Variants in FRMD3 observed in about 807,000 individuals in gnomAD.
FRMD3 encodes FERM domain containing 3, also known as FERM domain-containing protein 3.
A neutral mutation model predicts 70.2 loss-of-function variants in FRMD3; 33 were observed. That is an observed-to-expected ratio of 0.47 (90% CI 0.36 to 0.63). The LOEUF (loss-of-function observed/expected upper bound fraction) is 0.63. Ranked by LOEUF, FRMD3 falls within the 20% of genes least tolerant of loss-of-function variation. The pLI is 0.00. For missense variants in FRMD3, 632 were observed against 711.4 expected (o/e 0.89, Z 1.27); for synonymous variants, 279 against 255.9 (o/e 1.09, Z -0.86).
At chr9:83,407,861 C>CTT (rs1826158478) in intron 1 of FRMD3, among the ~76,000 whole-genome samples, 1 of 129,940 alleles carries the variant, frequency 7.7e-6, no homozygotes, top group Non-Finnish European at 1.5e-5. Context: ...CTCTCTCTCT[C>CTT]TCTCTCTCTC....
At chr9:83,519,437 A>G (rs1162379781) in intron 1 of FRMD3, among the ~76,000 whole-genome samples, 1 of 152,214 alleles carries the variant, frequency 6.6e-6, no homozygotes, top group African/African-American at 2.4e-5. Flanking sequence ...CAAAACCACA[A>G]TGAGATACCA....
the FRMD3 span, among the ~76,000 whole-genome samples, chr9:83,565,105 G>T: frequency 6.6e-6 from 1 of 152,146 alleles, no homozygotes; most frequent in African/African-American, 2.4e-5. Flanking sequence ...CATTTCCTGG[G>T]AATAATAATG....
Position 83,507,728 on chromosome 9 carries a change from A to ATCTATCTATC in FRMD3, c.147+30356_147+30357insGATAGATAGA, listed in dbSNP as rs1461153278. Among the ~76,000 whole-genome samples, 13 of 110,766 alleles carry ATCTATCTATC rather than the reference A, an allele frequency of 1.2e-4. No homozygotes were observed. In the South Asian group the frequency reaches 2.0e-3, roughly 17 times the overall value. 72.7% of individuals were successfully genotyped at this position (110,766 alleles called of 152,430 possible). A position where few individuals can be genotyped will look rare whatever the true frequency, so the allele number is the denominator to read the frequency against. On this transcript the variant is annotated intron_variant, in intron 1 of 13. Transcript: ENST00000304195. ...TATATATATATATATATATATATAT[A>ATCTATCTATC]TATATATATATCTTCTGGAATATTT...
the FRMD3 span, among the ~76,000 whole-genome samples, chr9:83,559,726 A>G: frequency 1.3e-5 from 2 of 152,232 alleles, no homozygotes; most frequent in African/African-American, 4.8e-5. Flanking sequence ...ATCTAAAAGA[A>G]GTTATACATA....
chr9:83,471,199 C>T (rs1430016599), intron 1 of FRMD3, among the ~76,000 whole-genome samples: 3 of 152,236 alleles, frequency 2.0e-5, no homozygotes, highest in South Asian at 2.1e-4. Flanking sequence ...GCACAGAGAA[C>T]GGCTCTGGCC....
At chr9:83,477,605 C>A (rs1378529770) in intron 1 of FRMD3, among the ~76,000 whole-genome samples, 1 of 152,148 alleles carries the variant, frequency 6.6e-6, no homozygotes, top group African/African-American at 2.4e-5. Flanking sequence ...AAGGCCGTCC[C>A]AAATCAAGGT....
Position 83,479,633 on chromosome 9 carries a change from A to G in FRMD3, c.147+58452T>C, listed in dbSNP as rs1462984335. On this transcript the variant is annotated intron_variant, in intron 1 of 13. Transcript: ENST00000304195. ...TAGCAAGACCCTGAAGAAAGGAAGG[A>G]AGGAAGGAAGGAAGGAAGGAAGGAA... is the stretch of plus-strand genomic sequence containing the variant. 1.0e-4 allele frequency among the ~76,000 whole-genome samples: 4 copies of G among 40,074 alleles called. 1 individual carries two copies. Among genetic ancestry groups the G allele is most frequent in the African/African-American group, 2.4e-4 (2 of 8,344 alleles). The allele number at this position is 40,074 out of a possible 152,430, so 26.3% of individuals were successfully genotyped here.
chr9:83,378,751 A>ATACTTTATATATT (rs1554695830), intron 2 of FRMD3, among the ~76,000 whole-genome samples: 5 of 120,764 alleles, frequency 4.1e-5, no homozygotes, highest in African/African-American at 1.9e-4. Context: ...TATTATATAT[A>ATACTTTATATATT]ATATATAATT....
At chr9:83,298,691 GA>G in intron 12 of FRMD3, 56 bp downstream of exon 12, 1 of 1,321,670 alleles carries the variant, frequency 7.6e-7, no homozygotes, top group Non-Finnish European at 1.1e-6. Context: ...TGTTATAGGG[GA>G]TTTGGAAAAG....
intron 6 of FRMD3, among the ~76,000 whole-genome samples, chr9:83,321,863 T>G (rs985772864): frequency 2.0e-5 from 3 of 152,214 alleles, no homozygotes; most frequent in South Asian, 2.1e-4. Context: ...GCACTGATTT[T>G]GGGTGCATAT....
intron 13 of FRMD3, among the ~76,000 whole-genome samples, chr9:83,273,505 G>A (rs1216738133): frequency 4.0e-5 from 6 of 151,584 alleles, no homozygotes; most frequent in Admixed American, 6.6e-5. Flanking sequence ...GAAGGCCGCA[G>A]GGTCCTCTGC....
At chr9:83,299,510 C>T (rs573975330) in intron 10 of FRMD3, among the ~76,000 whole-genome samples, 7 of 152,294 alleles carry the variant, frequency 4.6e-5, no homozygotes, top group African/African-American at 1.7e-4. Flanking sequence ...AGGAATTCTC[C>T]CCTAATTTCT....
chr9:83,254,224 C>G (rs893874229), intron 13 of FRMD3, among the ~76,000 whole-genome samples: 1 of 151,812 alleles, frequency 6.6e-6, no homozygotes, highest in Non-Finnish European at 1.5e-5. Context: ...TGTAACAAAC[C>G]TGCATGTTGT....
intron 1 of FRMD3, among the ~76,000 whole-genome samples, chr9:83,492,503 C>T (rs1424381438): frequency 1.3e-5 from 2 of 152,216 alleles, no homozygotes; most frequent in African/African-American, 4.8e-5. Flanking sequence ...CCCACCTGCA[C>T]CTCCTTTCCG....
intron 1 of FRMD3, among the ~76,000 whole-genome samples, chr9:83,420,937 C>CTTTTTTT (rs897070718): frequency 4.3e-4 from 46 of 107,720 alleles, no homozygotes; most frequent in Non-Finnish European, 4.6e-4. Context: ...TTTCTTTCTT[C>CTTTTTTT]TTTTTTTTTT....
chr9:83,396,559 A>T (rs1421016259), intron 1 of FRMD3, among the ~76,000 whole-genome samples: 1 of 152,184 alleles, frequency 6.6e-6, no homozygotes, highest in Non-Finnish European at 1.5e-5. Flanking sequence ...TTGGTTCAGG[A>T]AAGGACACAT....
At chr9:83,566,050 C>T in the FRMD3 span, among the ~76,000 whole-genome samples, 15 of 152,262 alleles carry the variant, frequency 9.9e-5, no homozygotes, top group South Asian at 2.1e-4. Flanking sequence ...CATTATTATG[C>T]GGAGTGTATT....
At chr9:83,443,358 T>G (rs1827360915) in intron 1 of FRMD3, among the ~76,000 whole-genome samples, 1 of 152,222 alleles carries the variant, frequency 6.6e-6, no homozygotes, top group South Asian at 2.1e-4. Flanking sequence ...TTCTCATTGT[T>G]CAATTCCCAC....
At chr9:83,448,697 A>C (rs934140958) in intron 1 of FRMD3, among the ~76,000 whole-genome samples, 2 of 152,156 alleles carry the variant, frequency 1.3e-5, no homozygotes, top group African/African-American at 4.8e-5. Flanking sequence ...GCTTGAAAGC[A>C]GATCTGATTT....
Sources: allele counts gnomAD v4.1 joint callset (sites outside exome capture counted in the v4.1 genomes callset), GRCh38; gene constraint gnomAD v4.1.1; transcripts MANE v1.5; gene names NCBI Gene and HGNC (gene_info 2026-07-23, HGNC 2026-07-21).